Variants in C19orf47 observed in about 807,000 individuals in gnomAD.
C19orf47 encodes the protein uncharacterized protein C19orf47.
A neutral mutation model predicts 32.3 loss-of-function variants in C19orf47; 18 were observed. The ratio of observed to expected loss-of-function variants is 0.56; its 90% CI spans 0.39 to 0.83. The LOEUF (loss-of-function observed/expected upper bound fraction) is 0.83, where lower values mean the gene tolerates loss of function less well. Ranked by LOEUF, C19orf47 falls within the 40% of genes least tolerant of loss-of-function variation. The probability of loss-of-function intolerance (pLI) is 0.00; values close to 1 mark genes in which losing one functional copy is unlikely to be tolerated. For missense variants in C19orf47, 484 were observed against 531.6 expected, an observed-to-expected ratio of 0.91 and a Z score of 0.88; for synonymous variants, 202 against 211.1, an observed-to-expected ratio of 0.96 and a Z score of 0.37.
intron 4 of C19orf47, 53 bp from the exon 5 acceptor site, chr19:40,333,982 C>A: frequency 7.1e-7 from 1 of 1,400,094 alleles, no homozygotes. Flanking sequence ...ATGCATCAAC[C>A]TAGAGATCTA....
chr19:40,293,569 G>C, the C19orf47 span, among the ~76,000 whole-genome samples: 120 of 151,306 alleles, frequency 7.9e-4, 4 homozygotes, highest in East Asian at 0.014. Flanking sequence ...GGGTTCAAGC[G>C]ATTCTCCTGC....
At chr19:40,318,471 C>A (rs2077678316), downstream of C19orf47, among the ~76,000 whole-genome samples, 1 of 152,162 alleles carries the variant, frequency 6.6e-6, no homozygotes, top group South Asian at 2.1e-4. Flanking sequence ...TCCTATTACA[C>A]ATTGAGAAAT....
chr19:40,338,532 G>T (rs773915979), intron 2 of C19orf47, among the ~76,000 whole-genome samples: 4 of 151,786 alleles, frequency 2.6e-5, no homozygotes, highest in Non-Finnish European at 5.9e-5. Flanking sequence ...TTACAGCCAC[G>T]CGCCACCATG....
downstream of C19orf47, among the ~76,000 whole-genome samples, chr19:40,317,513 C>T (rs548042494): frequency 9.2e-5 from 14 of 151,712 alleles, no homozygotes; most frequent in African/African-American, 2.2e-4. Flanking sequence ...GGGGCGGGCT[C>T]GGGAGAACTG....
chr19:40,322,090 TTGA>T lies in C19orf47; in HGVS notation c.947_949del (p.Ile316del). On this transcript the variant is annotated inframe_deletion, in exon 9 of 9. Transcript: ENST00000683109. ...CACAAGGGCAGCTGCGCCCAGTCTC[TTGA>T]TGATGCTGACTTTAGACAAGGACTC... The T allele has an allele frequency of 6.2e-7, 1 of 1,614,194 alleles. No individual in the cohort carries two copies. The highest frequency in any genetic ancestry group is 8.5e-7 in the Non-Finnish European group (1 of 1,180,026).
chr19:40,330,035 C>T (rs1420808750), intron 5 of C19orf47, among the ~76,000 whole-genome samples: 2 of 152,106 alleles, frequency 1.3e-5, no homozygotes, highest in East Asian at 1.9e-4. Context: ...CTTGCATTTG[C>T]GTTGCAGTCA....
intron 1 of C19orf47, among the ~76,000 whole-genome samples, chr19:40,346,301 G>A (rs182013909): frequency 6.6e-4 from 99 of 150,062 alleles, no homozygotes; most frequent in Non-Finnish European, 1.2e-3. Flanking sequence ...AAATTAGCCA[G>A]GCGTGGTGGT....
chr19:40,294,333 CTT>C, the C19orf47 span, among the ~76,000 whole-genome samples: 6 of 152,152 alleles, frequency 3.9e-5, no homozygotes, highest in Non-Finnish European at 8.8e-5. Context: ...GTAAGGGTCT[CTT>C]TGTCTTTTTC....
At chr19:40,297,101 T>C in the C19orf47 span, among the ~76,000 whole-genome samples, 5 of 152,338 alleles carry the variant, frequency 3.3e-5, no homozygotes, top group South Asian at 1.0e-3. Context: ...CTTGGGTACA[T>C]CTTTGGTAAA....
intron 1 of C19orf47, among the ~76,000 whole-genome samples, chr19:40,345,723 T>A (rs1395622563): frequency 7.1e-6 from 1 of 141,198 alleles, no homozygotes; most frequent in Non-Finnish European, 1.5e-5. Context: ...ATGCCTGTAA[T>A]CCAAGCTACT....
chr19:40,338,266 TACACACACAC>T (rs35520400), intron 2 of C19orf47, among the ~76,000 whole-genome samples: 3 of 143,546 alleles, frequency 2.1e-5, no homozygotes, highest in Non-Finnish European at 3.0e-5. Flanking sequence ...TACATATATA[TACACACACAC>T]ACACACACAC....
the C19orf47 span, among the ~76,000 whole-genome samples, chr19:40,299,040 T>C: frequency 6.6e-6 from 1 of 152,276 alleles, no homozygotes; most frequent in South Asian, 2.1e-4. Context: ...TTTCTTGTAG[T>C]ATTGATAAAA....
At chr19:40,325,238 C>G (rs530405662) in intron 7 of C19orf47, among the ~76,000 whole-genome samples, 1 of 151,654 alleles carries the variant, frequency 6.6e-6, no homozygotes, top group South Asian at 2.1e-4. Context: ...CCACTGCACT[C>G]CAGCCTGCGT....
chr19:40,295,683 G>A, the C19orf47 span, among the ~76,000 whole-genome samples: 3 of 151,804 alleles, frequency 2.0e-5, no homozygotes, highest in South Asian at 2.1e-4. Context: ...TGATCCGCCC[G>A]CCTCAGCCTC....
chr19:40,324,126 A>G, intron 7 of C19orf47, 50 bp from the exon 8 acceptor site: 1 of 1,587,134 alleles, frequency 6.3e-7, no homozygotes, highest in African/African-American at 1.3e-5. Context: ...GGCCAGGCCT[A>G]GGCTGAGCTC....
chr19:40,321,695 C>T lies in C19orf47; in HGVS notation c.*187G>A. On this transcript the variant is annotated 3_prime_UTR_variant, in exon 9 of 9. Coordinates refer to ENST00000683109, the MANE Select transcript of C19orf47 (RefSeq NM_001256441.2). ...GGAGTCCTGGAGCAGGCCAGGCCAG[C>T]TGCGACGACCATCCCAGGCTAGGAG... 7.1e-7 allele frequency: 1 copy of T among 1,417,498 alleles called. No homozygotes were observed. The highest frequency in any genetic ancestry group is 9.2e-7 in the Non-Finnish European group (1 of 1,091,700). 87.8% of individuals were successfully genotyped at this position (1,417,498 alleles called of 1,614,324 possible).
chr19:40,342,294 T>A, intron 1 of C19orf47: 2 of 209,372 alleles, frequency 9.6e-6, no homozygotes, highest in Non-Finnish European at 1.9e-5. Flanking sequence ...AAGACCAGCC[T>A]GGACAACATA....
At chr19:40,322,472 C>A in intron 8 of C19orf47, 96 bp from the exon 9 acceptor site, 1 of 1,377,250 alleles carries the variant, frequency 7.3e-7, no homozygotes, top group Non-Finnish European at 9.6e-7. Flanking sequence ...CTGGGACTCA[C>A]AGTTGGGAGA....
intron 2 of C19orf47, 116 bp downstream of exon 2, chr19:40,341,722 AG>A: frequency 2.1e-6 from 3 of 1,438,940 alleles, no homozygotes; most frequent in Non-Finnish European, 2.8e-6. Context: ...CTCAGAGTAC[AG>A]CTGTTCCTGC....
Sources: allele counts gnomAD v4.1 joint callset (sites outside exome capture counted in the v4.1 genomes callset), GRCh38; gene constraint gnomAD v4.1.1; transcripts MANE v1.5; gene names NCBI Gene and HGNC (gene_info 2026-07-23, HGNC 2026-07-21).